The following ACACB variants were observed in gnomAD, a reference collection of about 807,000 sequenced individuals.
The protein encoded by ACACB is acetyl-CoA carboxylase 2.
Under a neutral mutation model 278.8 loss-of-function variants are expected in ACACB, and 209 were observed. That is an observed-to-expected ratio of 0.75 (90% CI 0.67 to 0.84). The LOEUF is 0.84. ACACB is among the 40% of genes least tolerant of loss of function. The pLI is 0.00. For synonymous variants in ACACB, 1,174 were observed against 1,285.6 expected (o/e 0.91, Z 1.86); for missense variants, 2,850 against 3,269.0 (o/e 0.87, Z 3.13).
chr12:109,133,863 ATTTTTTTTTTTTT>A (rs67896522), intron 1 of ACACB, among the ~76,000 whole-genome samples: 1 of 70,656 alleles, frequency 1.4e-5, no homozygotes, highest in Non-Finnish European at 2.5e-5. Flanking sequence ...ATATATATAT[ATTTTTTTTTTTTT>A]TTTTTTCATT....
chr12:109,169,406 G>A (rs2044031513), intron 4 of ACACB, among the ~76,000 whole-genome samples: 1 of 152,170 alleles, frequency 6.6e-6, no homozygotes, highest in South Asian at 2.1e-4. Flanking sequence ...ATCATGTGAT[G>A]CGGGTGGGAT....
chr12:109,237,681 A>T (rs2046670867), intron 34 of ACACB, among the ~76,000 whole-genome samples: 1 of 152,088 alleles, frequency 6.6e-6, no homozygotes, highest in South Asian at 2.1e-4. Context: ...ATATTTGCTG[A>T]CTGAGTGATC....
chr12:109,234,891 C>T (rs1015473916), intron 31 of ACACB, among the ~76,000 whole-genome samples: 1 of 151,126 alleles, frequency 6.6e-6, no homozygotes, highest in Non-Finnish European at 1.5e-5. Flanking sequence ...AACAAGCCTG[C>T]ACGTTCTGCA....
chr12:109,111,384 C>G, the ACACB span: 1 of 152,236 alleles, frequency 6.6e-6, no homozygotes, highest in Non-Finnish European at 1.5e-5. Context: ...GCCAGTGTTT[C>G]TAGACTCCGA....
intron 37 of ACACB, 141 bp downstream of exon 37, chr12:109,242,733 A>C: frequency 1.0e-6 from 1 of 987,238 alleles, no homozygotes; most frequent in Non-Finnish European, 1.5e-6. Flanking sequence ...CACGCCTATA[A>C]TCCCAGCACT....
chr12:109,176,149 C>A lies in ACACB; in HGVS notation c.1327-4C>A. ...AAAGAGGTCTGTTTGTCCTTTGCACCCAGGCAGCAGAAAGAATTGGTTTTC... is the reference window on the plus strand; with the variant it reads ...AAAGAGGTCTGTTTGTCCTTTGCACACAGGCAGCAGAAAGAATTGGTTTTC... On this transcript the variant is annotated splice_polypyrimidine_tract_variant and splice_region_variant and intron_variant, in intron 8 of 52. Coordinates refer to ENST00000338432, the MANE Select transcript of ACACB (RefSeq NM_001093.4). The A allele has an allele frequency of 6.2e-7, 1 of 1,614,044 alleles. No homozygotes were observed. The highest frequency in any genetic ancestry group is 1.3e-5 in the African/African-American group (1 of 75,020).
At chr12:109,250,564 C>T (rs1386431363) in intron 41 of ACACB, among the ~76,000 whole-genome samples, 1 of 152,180 alleles carries the variant, frequency 6.6e-6, no homozygotes, top group African/African-American at 2.4e-5. Flanking sequence ...CTGACTTTAA[C>T]TGGCATATAA....
At chr12:109,193,456 G>A (rs1047539657) in intron 15 of ACACB, among the ~76,000 whole-genome samples, 192 bp from the exon 16 acceptor site, 1 of 152,206 alleles carries the variant, frequency 6.6e-6, no homozygotes, top group African/African-American at 2.4e-5. Flanking sequence ...GGCCTCAAGT[G>A]ATGTGCCTGC....
At chr12:109,235,259 C>G in intron 31 of ACACB, 54 bp from the exon 32 acceptor site, 2 of 1,473,346 alleles carry the variant, frequency 1.4e-6, no homozygotes, top group Non-Finnish European at 1.9e-6. Flanking sequence ...AGCAATACTT[C>G]AGTTCCTTTT....
intron 50 of ACACB, 48 bp from the exon 51 acceptor site, chr12:109,265,062 C>T: frequency 6.4e-7 from 1 of 1,565,036 alleles, no homozygotes; most frequent in Non-Finnish European, 8.7e-7. Flanking sequence ...AGCCAGTGTC[C>T]CGTCTCCTCC....
chr12:109,140,309 TC>T (rs1486342179), intron 2 of ACACB, among the ~76,000 whole-genome samples: 10 of 142,578 alleles, frequency 7.0e-5, no homozygotes, highest in South Asian at 4.7e-4. Flanking sequence ...CTTCCTTCCT[TC>T]CTTCCTTCCT....
chr12:109,254,467 T>C, intron 44 of ACACB, 133 bp downstream of exon 44: 1 of 896,890 alleles, frequency 1.1e-6, no homozygotes. Context: ...GAGGTATACC[T>C]GAAATCAAAT....
chr12:109,162,749 G>C (rs1046078497), intron 2 of ACACB, among the ~76,000 whole-genome samples: 2 of 152,064 alleles, frequency 1.3e-5, no homozygotes, highest in Non-Finnish European at 2.9e-5. Context: ...GGGGAATCTG[G>C]CCAGCGAGAG....
chr12:109,111,215 A>G, the ACACB span: 9 of 152,232 alleles, frequency 5.9e-5, no homozygotes, highest in East Asian at 1.9e-4. Context: ...CAGCGCCCCA[A>G]CTCCGAGCAC....
At chr12:109,206,144 C>T (rs1035498464) in intron 19 of ACACB, among the ~76,000 whole-genome samples, 1 of 151,962 alleles carries the variant, frequency 6.6e-6, no homozygotes, top group African/African-American at 2.4e-5. Context: ...ACAACAACAA[C>T]AAACAGATCG....
In ACACB at chr12:109,265,518, A is replaced by G. The variant is rs745499690; in HGVS notation, c.7243A>G (p.Ile2415Val). 6 of 1,613,490 alleles carry G rather than the reference A, an allele frequency of 3.7e-6. No homozygotes were observed. The highest frequency in any genetic ancestry group is 5.1e-6 in the Non-Finnish European group (6 of 1,179,826). Residue 2415 changes from isoleucine to valine, a missense_variant, in exon 52 of 53, where the codon ATC becomes GTC. Transcript: ENST00000338432. The part of the protein sequence containing the change: ...YLKHDSVLKT[I>V]RGLVEENPEV... Reference sequence around the variant, plus strand: ...GAAGCACGACTCTGTCCTCAAGACCATCCGAGGGTGAGTGGCCACCGCACC... The same window carrying G: ...GAAGCACGACTCTGTCCTCAAGACCGTCCGAGGGTGAGTGGCCACCGCACC...
chr12:109,113,165 G>C (rs1457738087), upstream of ACACB: 3 of 152,240 alleles, frequency 2.0e-5, no homozygotes, highest in Non-Finnish European at 4.4e-5. Flanking sequence ...CACTGTCAGT[G>C]CGGTGGGAAC....
chr12:109,150,073 G>A (rs1288682337), intron 2 of ACACB, among the ~76,000 whole-genome samples: 6 of 152,148 alleles, frequency 3.9e-5, no homozygotes, highest in Admixed American at 2.0e-4. Flanking sequence ...GTTGCTGTAA[G>A]TACAGCACTC....
At chr12:109,118,412 C>CTT (rs59488592) in intron 1 of ACACB, among the ~76,000 whole-genome samples, 14 of 129,376 alleles carry the variant, frequency 1.1e-4, no homozygotes, top group Admixed American at 4.0e-4. Context: ...TGACCTTGTT[C>CTT]TTTTTTTTTT....
Sources: gnomAD v4.1 joint callset for allele counts (sites outside exome capture counted in the v4.1 genomes callset) on GRCh38, gnomAD v4.1.1 for gene constraint, MANE v1.5 for transcripts, NCBI Gene and HGNC (gene_info 2026-07-23, HGNC 2026-07-21) for gene names.